Variants in CDH26 observed in about 807,000 individuals in gnomAD.
CDH26 encodes the protein cadherin-like protein 26.
CDH26 carries 83 observed loss-of-function variants against 90.3 expected under a neutral mutation model. That is an observed-to-expected ratio of 0.92 (90% CI 0.77 to 1.10). The LOEUF (loss-of-function observed/expected upper bound fraction) is 1.10, where lower values mean the gene tolerates loss of function less well. CDH26 is among the 50% of genes least tolerant of loss of function. The probability of loss-of-function intolerance (pLI) is 0.00; values close to 1 mark genes in which losing one functional copy is unlikely to be tolerated. For synonymous variants in CDH26, 397 were observed against 396.3 expected (o/e 1.00, Z -0.02); for missense variants, 1,013 against 1,037.6 (o/e 0.98, Z 0.33).
intron 14 of CDH26, among the ~76,000 whole-genome samples, chr20:60,000,947 G>A (rs993567465): frequency 2.0e-5 from 3 of 152,160 alleles, no homozygotes; most frequent in East Asian, 1.9e-4. Flanking sequence ...CATTATTGAA[G>A]CGTCACTATT....
downstream of CDH26, among the ~76,000 whole-genome samples, chr20:60,034,779 G>C (rs952523056): frequency 2.0e-5 from 3 of 152,226 alleles, no homozygotes; most frequent in East Asian, 5.8e-4. Flanking sequence ...CTTTCTGAAA[G>C]AGCCAGTCTG....
At chr20:60,011,148 C>T (rs562456583) in intron 17 of CDH26, among the ~76,000 whole-genome samples, 2 of 152,156 alleles carry the variant, frequency 1.3e-5, no homozygotes, top group Non-Finnish European at 2.9e-5. Context: ...GGAGAGGGGA[C>T]AGAACTAGAA....
At chr20:59,976,004 A>C (rs1340744344) in intron 4 of CDH26, among the ~76,000 whole-genome samples, 1 of 152,212 alleles carries the variant, frequency 6.6e-6, no homozygotes, top group Non-Finnish European at 1.5e-5. Flanking sequence ...GACCTTATCT[A>C]TTTATATCAA....
chr20:59,984,590 G>T lies in CDH26; in HGVS notation c.542-49G>T, dbSNP rs1230557941. On this transcript the variant is annotated intron_variant, in intron 5 of 17. Coordinates refer to ENST00000348616, the MANE Select transcript of CDH26 (RefSeq NM_177980.4). ...AAATAATTCATCCTCTTACTGGTTT[G>T]ATAGGCTACCTTTATCTGATAGTAA... is the stretch of plus-strand genomic sequence containing the variant. 23 of 1,506,498 alleles carry T rather than the reference G, an allele frequency of 1.5e-5. No individual in the cohort carries two copies. The highest frequency in any genetic ancestry group is 2.1e-5 in the Non-Finnish European group (23 of 1,102,566). The allele number at this position is 1,506,498 out of a possible 1,614,324, so 93.3% of individuals were successfully genotyped here. A position where few individuals can be genotyped will look rare whatever the true frequency, so the allele number is the denominator to read the frequency against.
chr20:59,979,601 C>CTTTTTTTTTTTTT lies in CDH26; in HGVS notation c.394-3291_394-3279dup, dbSNP rs559969476. On this transcript the variant is annotated intron_variant, in intron 4 of 17. Transcript: ENST00000348616. ...TGTGGTGAGATAAAGCTGCTATGCA[C>CTTTTTTTTTTTTT]TTTTTTTTTTTTTTTTTTTTTTTTT... Among the ~76,000 whole-genome samples, 4 of 47,498 alleles carry CTTTTTTTTTTTTT rather than the reference C, an allele frequency of 8.4e-5. 2 individuals carry two copies. Among genetic ancestry groups the CTTTTTTTTTTTTT allele is most frequent in the Non-Finnish European group, 1.6e-4 (4 of 24,674 alleles). The allele number at this position is 47,498 out of a possible 152,430, so 31.2% of individuals were successfully genotyped here.
At chr20:60,029,683 C>T (rs139836648) in intron 7 of CDH26, among the ~76,000 whole-genome samples, 361 of 151,938 alleles carry the variant, frequency 2.4e-3, no homozygotes, top group African/African-American at 6.2e-3. Context: ...CCCCTCCCTG[C>T]GTCCATGTGT....
At chr20:59,967,953 TTCTA>T (rs1164359077) in intron 1 of CDH26, among the ~76,000 whole-genome samples, 1,199 of 79,946 alleles carry the variant, frequency 0.015, 41 homozygotes, top group African/African-American at 0.041. Context: ...CTTTCTTTCT[TTCTA>T]TCTTTCTTTC....
At chr20:59,987,821 G>A (rs535522572) in intron 8 of CDH26, among the ~76,000 whole-genome samples, 183 bp downstream of exon 8, 5 of 152,186 alleles carry the variant, frequency 3.3e-5, no homozygotes, top group African/African-American at 1.2e-4. Flanking sequence ...TGTGGGCTGA[G>A]GACTCCTCCT....
chr20:60,008,793 C>G (rs1242874217), intron 17 of CDH26, among the ~76,000 whole-genome samples: 4 of 152,214 alleles, frequency 2.6e-5, no homozygotes, highest in Non-Finnish European at 5.9e-5. Flanking sequence ...TAGGCTTGGC[C>G]CCTTCTCACT....
intron 1 of CDH26, among the ~76,000 whole-genome samples, chr20:59,964,411 G>A (rs1380246243): frequency 6.6e-6 from 1 of 152,116 alleles, no homozygotes; most frequent in Non-Finnish European, 1.5e-5. Flanking sequence ...GGTAGCTGAG[G>A]GAACAAGCAT....
chr20:60,018,702 C>CTTTTGTTTTTTTTTTTTTTT (rs2061926953), downstream of CDH26, among the ~76,000 whole-genome samples: 1 of 17,790 alleles, frequency 5.6e-5, no homozygotes, highest in African/African-American at 2.3e-4. Context: ...CTCTTACTGC[C>CTTTTGTTTTTTTTTTTTTTT]TTTTTTTTTT....
At position 60,012,661 on chromosome 20, in the gene CDH26, G is replaced by A; in HGVS notation, c.2430G>A (p.Leu810=). 1 of 1,614,002 alleles carries A rather than the reference G, an allele frequency of 6.2e-7. No homozygotes were observed. ...TGGAACAGGAGTTGCAACCTGATTTGCTGGACTCTTTGGGTTCAAAAGCGA... is the reference window on the plus strand; with the variant it reads ...TGGAACAGGAGTTGCAACCTGATTTACTGGACTCTTTGGGTTCAAAAGCGA... ...ASLEQELQPD[L]LDSLGSKATP... is the part of the protein sequence containing the mutation. Residue 810 remains leucine (L), a synonymous_variant, in exon 18 of 18, where the codon TTG becomes TTA. Coordinates refer to ENST00000348616, the MANE Select transcript of CDH26 (RefSeq NM_177980.4).
exon 9 of CDH26, chr20:60,033,544 G>C (rs1307279668): frequency 7.7e-7 from 1 of 1,304,432 alleles, no homozygotes; most frequent in Non-Finnish European, 1.0e-6. Context: ...TTATGCAGCT[G>C]AGAAATGAAC....
Position 59,958,699 on chromosome 20 carries a change from G to C in CDH26, c.-28G>C. 6.2e-7 allele frequency: 1 copy of C among 1,612,722 alleles called. No homozygotes were observed. ...TTGGAGGACTGGTCATCAGCTGCAC[G>C]TTCTGGGTCTGTCTTGGGTATTCCC... is the stretch of plus-strand genomic sequence containing the variant. On this transcript the variant is annotated 5_prime_UTR_variant, in exon 1 of 18. Coordinates refer to ENST00000348616, the MANE Select transcript of CDH26 (RefSeq NM_177980.4).
intron 7 of CDH26, chr20:59,986,157 C>T (rs530776094): frequency 1.3e-5 from 2 of 152,360 alleles, no homozygotes; most frequent in South Asian, 4.1e-4. Flanking sequence ...ACACCGTGTT[C>T]AGGATTCTAG....
Position 59,976,091 on chromosome 20 carries a change from A to AT in CDH26, c.393+3975dup, listed in dbSNP as rs561887569. On this transcript the variant is annotated intron_variant, in intron 4 of 17. Transcript: ENST00000348616. ...TATTTCTCAAAATAATTATTTGTTAATTTTTTTCACCACACAGTCTAACCT... is the reference window on the plus strand; with the variant it reads ...TATTTCTCAAAATAATTATTTGTTAATTTTTTTTCACCACACAGTCTAACCT... 2.7e-4 allele frequency among the ~76,000 whole-genome samples: 41 copies of AT among 152,192 alleles called. No individual in the cohort carries two copies. The East Asian group carries it at 7.1e-3, about 27-fold the overall frequency.
intron 4 of CDH26, among the ~76,000 whole-genome samples, chr20:59,974,688 T>C (rs986725028): frequency 6.6e-6 from 1 of 152,152 alleles, no homozygotes; most frequent in African/African-American, 2.4e-5. Flanking sequence ...TGTCTTTTAA[T>C]ATTGATTTAG....
At chr20:59,995,758 C>T (rs1322469427) in intron 11 of CDH26, 75 bp from the exon 12 acceptor site, 2 of 1,358,550 alleles carry the variant, frequency 1.5e-6, no homozygotes, top group East Asian at 2.3e-5. Flanking sequence ...CCGTGCAGGG[C>T]GTTCAGTAAG....
At chr20:59,980,473 T>G (rs1461708264) in intron 4 of CDH26, among the ~76,000 whole-genome samples, 1 of 152,100 alleles carries the variant, frequency 6.6e-6, no homozygotes, top group Non-Finnish European at 1.5e-5. Context: ...TTTTGTATTT[T>G]TTTTAGTAGA....
Sources: gnomAD v4.1 joint callset for allele counts (sites outside exome capture counted in the v4.1 genomes callset) on GRCh38, gnomAD v4.1.1 for gene constraint, MANE v1.5 for transcripts, NCBI Gene and HGNC (gene_info 2026-07-23, HGNC 2026-07-21) for gene names.